Variants in EDA observed in about 807,000 individuals in gnomAD.
The protein encoded by EDA is ectodysplasin-A.
EDA carries 2 observed loss-of-function variants against 23.6 expected under a neutral mutation model. That is an observed-to-expected ratio of 0.08 (90% confidence interval 0.03 to 0.27). The LOEUF is 0.27. Ranked by LOEUF, EDA falls within the 10% of genes least tolerant of loss-of-function variation. EDA has a pLI of 1.00. For missense variants in EDA, 229 were observed against 324.2 expected (o/e 0.71, Z 2.26); for synonymous variants, 131 against 132.0 (o/e 0.99, Z 0.05).
intron 1 of EDA, among the ~76,000 whole-genome samples, chrX:69,833,432 C>T (rs996047133): frequency 5.4e-5 from 6 of 110,572 alleles, no homozygotes; most frequent in Non-Finnish European, 1.1e-4. Context: ...CTGCTGGATT[C>T]GGTTTGCCAT....
chrX:69,922,050 G>A (rs776306690), intron 1 of EDA, among the ~76,000 whole-genome samples: 40 of 111,851 alleles, frequency 3.6e-4, no homozygotes, highest in Non-Finnish European at 6.6e-4. Context: ...AAATAGGATA[G>A]TGAAGTGTAT....
At chrX:69,987,299 A>T (rs201254293) in intron 2 of EDA, among the ~76,000 whole-genome samples, 1 of 93,273 alleles carries the variant, frequency 1.1e-5, no homozygotes, top group Non-Finnish European at 2.0e-5. Flanking sequence ...TAAAAAAAAA[A>T]ATTTTTTTTT....
chrX:69,957,911 A>G (rs1938018), intron 2 of EDA, among the ~76,000 whole-genome samples: 28,663 of 111,439 alleles, frequency 0.26, 3,623 homozygotes, highest in Middle Eastern at 0.49. Context: ...GAACTAGTTT[A>G]TAAGTTTCTT....
chrX:69,657,778 T>G (rs111243842), intron 1 of EDA, among the ~76,000 whole-genome samples: 1,965 of 111,657 alleles, frequency 0.018, 49 homozygotes, highest in African/African-American at 0.061. Context: ...AAAGATCAGT[T>G]GGTTGTAGGT....
chrX:69,751,052 G>A (rs1222827721), intron 1 of EDA, among the ~76,000 whole-genome samples: 5 of 107,991 alleles, frequency 4.6e-5, no homozygotes, highest in African/African-American at 1.7e-4. Flanking sequence ...GTCAATTTTG[G>A]CTTTTGTTGC....
chrX:69,617,107 G>T (rs1266483882), intron 1 of EDA: 3 of 293,618 alleles, frequency 1.0e-5, no homozygotes, highest in African/African-American at 8.2e-5. Flanking sequence ...GAACCAGCAG[G>T]CTCCCCTTTG....
chrX:69,616,393 G>A lies in EDA; in HGVS notation c.85G>A (p.Gly29Arg). 2.5e-6 allele frequency: 3 copies of A among 1,204,509 alleles called. No homozygotes were observed. Among genetic ancestry groups the A allele is most frequent in the Non-Finnish European group, 3.4e-6 (3 of 893,625 alleles). Residue 29 changes from glycine to arginine, a missense_variant, in exon 1 of 8, where the codon GGG (glycine) becomes AGG (arginine). Around this residue, in one of 2 missense-constraint regions of EDA, gnomAD observed 54 missense variants for 42.4 expected, o/e 1.27. Transcript: ENST00000374552. ...ERGSQGCGCG[G>R]APARAGEGNS... The stretch of plus-strand genomic sequence containing the variant: ...AGGGAGCCAGGGCTGCGGGTGTGGC[G>A]GGGCCCCTGCCCGGGCGGGCGAAGG...
At chrX:70,000,815 C>G (rs1218073861) in intron 2 of EDA, among the ~76,000 whole-genome samples, 1 of 112,117 alleles carries the variant, frequency 8.9e-6, no homozygotes, top group Non-Finnish European at 1.9e-5. Context: ...TCATGCAGCA[C>G]TTACTAAGTA....
chrX:69,708,164 A>G, intron 1 of EDA, among the ~76,000 whole-genome samples: 1 of 112,295 alleles, frequency 8.9e-6, no homozygotes, highest in South Asian at 3.7e-4. Context: ...AATTGAGGAA[A>G]GAATGATTCA....
chrX:69,622,497 A>T (rs904890487), intron 1 of EDA, among the ~76,000 whole-genome samples: 8 of 111,905 alleles, frequency 7.1e-5, no homozygotes, highest in African/African-American at 2.6e-4. Context: ...TTTATTATGC[A>T]TTTGCATATC....
chrX:69,968,607 C>T (rs939475218), intron 2 of EDA, among the ~76,000 whole-genome samples: 70 of 111,950 alleles, frequency 6.3e-4, no homozygotes, highest in African/African-American at 2.2e-3. Context: ...CACTATTTCT[C>T]TCCGCTAGCC....
At chrX:69,882,890 C>T (rs773922538) in intron 1 of EDA, among the ~76,000 whole-genome samples, 3 of 110,920 alleles carry the variant, frequency 2.7e-5, no homozygotes, top group African/African-American at 6.6e-5. Flanking sequence ...TTAGTAGAGA[C>T]GGGGTTTCTC....
rs1425370318 is a variant in EDA at position 69,722,362 on chromosome X, C to T, written c.396+105658C>T. 4.5e-5 allele frequency among the ~76,000 whole-genome samples: 5 copies of T among 110,024 alleles called. No individual in the cohort carries two copies. In the Admixed American group the frequency reaches 4.9e-4, roughly 11 times the overall value. ...CTTGGACTACAGGTGCCCACCACCA[C>T]GCCTGGCTCATTTTTTTGTATTTTT... On this transcript the variant is annotated intron_variant, in intron 1 of 7. Transcript: ENST00000374552.
At chrX:69,815,268 C>T (rs981739982) in intron 1 of EDA, among the ~76,000 whole-genome samples, 1 of 112,153 alleles carries the variant, frequency 8.9e-6, no homozygotes, top group Non-Finnish European at 1.9e-5. Context: ...TCCCCCACAA[C>T]ACAGTACAGC....
At chrX:69,894,654 T>A in intron 1 of EDA, among the ~76,000 whole-genome samples, 1 of 111,601 alleles carries the variant, frequency 9.0e-6, no homozygotes, top group Middle Eastern at 4.7e-3. Flanking sequence ...AGGTAATTTA[T>A]CTTTTTTGTG....
At chrX:69,957,902 A>C (rs1043665453) in intron 2 of EDA, among the ~76,000 whole-genome samples, 2 of 111,909 alleles carry the variant, frequency 1.8e-5, no homozygotes, top group Admixed American at 9.5e-5. Context: ...GACCTTCTAG[A>C]ACTAGTTTAT....
chrX:69,853,135 A>G (rs979409540), intron 1 of EDA, among the ~76,000 whole-genome samples: 8 of 112,281 alleles, frequency 7.1e-5, no homozygotes, highest in East Asian at 2.8e-4. Context: ...ATAACAGACT[A>G]TAAAATAATT....
chrX:69,645,128 G>A (rs1932892733), intron 1 of EDA, among the ~76,000 whole-genome samples: 1 of 111,047 alleles, frequency 9.0e-6, no homozygotes, highest in Admixed American at 9.6e-5. Context: ...ATGAGTTCAG[G>A]AGGAGTCCCT....
At chrX:69,876,638 CCTTTCCCTATAGTT>C (rs930054771) in intron 1 of EDA, among the ~76,000 whole-genome samples, 6 of 111,378 alleles carry the variant, frequency 5.4e-5, no homozygotes, top group Admixed American at 4.8e-4. Context: ...TTGTCTGTTT[CCTTTCCCTATAGTT>C]TTGCCTTTTC....
Sources: allele counts gnomAD v4.1 joint callset (sites outside exome capture counted in the v4.1 genomes callset), GRCh38; gene constraint gnomAD v4.1.1; regional missense constraint gnomAD v4.1.1; transcripts MANE v1.5; gene names NCBI Gene and HGNC (gene_info 2026-07-23, HGNC 2026-07-21).